SCN9A: variants seen among roughly 807,000 people sequenced by gnomAD.
The protein encoded by SCN9A is sodium channel protein type 9 subunit alpha.
In SCN9A, 131 loss-of-function variants were observed where a neutral mutation model predicts 187.0. The ratio of observed to expected loss-of-function variants is 0.70; its 90% CI spans 0.61 to 0.81. The LOEUF is 0.81. SCN9A is among the 30% of genes least tolerant of loss of function. The probability of loss-of-function intolerance (pLI) is 0.00; values close to 1 mark genes in which losing one functional copy is unlikely to be tolerated. For missense variants in SCN9A, 2,252 were observed against 2,396.6 expected, an observed-to-expected ratio of 0.94 and a Z score of 1.26; for synonymous variants, 809 against 808.6, an observed-to-expected ratio of 1.00 and a Z score of -0.01.
intron 1 of SCN9A, among the ~76,000 whole-genome samples, chr2:166,329,085 G>C (rs892969705): frequency 2.2e-4 from 33 of 152,048 alleles, no homozygotes; most frequent in African/African-American, 6.5e-4. Flanking sequence ...ATTAGAAAGC[G>C]ATCTTAAGTG....
chr2:166,375,418 C>A (rs927000763), intron 1 of SCN9A, among the ~76,000 whole-genome samples: 2 of 152,178 alleles, frequency 1.3e-5, no homozygotes. Flanking sequence ...CCTTCCTTTC[C>A]ACAGTTTCAG....
At position 166,198,591 on chromosome 2, in the gene SCN9A, G is replaced by T; in HGVS notation, c.*81C>A. On this transcript the variant is annotated 3_prime_UTR_variant, in exon 27 of 27. Coordinates refer to ENST00000642356, the MANE Select transcript of SCN9A (RefSeq NM_001365536.1). ...GAATATTTTGATAAAAAGGATTTTG[G>T]CATAGACTTCCTCAAAAGAGTTTTA... 1.9e-6 allele frequency: 2 copies of T among 1,060,074 alleles called. No individual in the cohort carries two copies. The highest frequency in any genetic ancestry group is 2.7e-6 in the Non-Finnish European group (2 of 748,074). 65.7% of individuals were successfully genotyped at this position (1,060,074 alleles called of 1,614,324 possible).
intron 16 of SCN9A, among the ~76,000 whole-genome samples, chr2:166,273,244 A>G (rs1185812526): frequency 2.0e-5 from 3 of 152,144 alleles, no homozygotes; most frequent in African/African-American, 7.2e-5. Flanking sequence ...CTCTCCTAGC[A>G]TTCATCTATC....
rs1478280479 is a variant in SCN9A, at chr2:166,255,108, A to AAGAGAGAGAGGAG, written c.3352-3236_3352-3224dup. Among the ~76,000 whole-genome samples, 6 of 140,706 alleles carry AAGAGAGAGAGGAG rather than the reference A, an allele frequency of 4.3e-5. No homozygotes were observed. The East Asian group carries it at 1.3e-3, about 31-fold the overall frequency. 92.3% of individuals were successfully genotyped at this position (140,706 alleles called of 152,430 possible). A position where few individuals can be genotyped will look rare whatever the true frequency, so the allele number is the denominator to read the frequency against. On this transcript the variant is annotated intron_variant, in intron 17 of 26. Coordinates refer to ENST00000642356, the MANE Select transcript of SCN9A (RefSeq NM_001365536.1). Reference sequence around the variant, plus strand: ...CCTTGAGGTAATCGAGAGAGAGAAAAAGAGAGAGAGGAGAGAGAGAGAGAG... The same window carrying AAGAGAGAGAGGAG: ...CCTTGAGGTAATCGAGAGAGAGAAAAAGAGAGAGAGGAGAGAGAGAGAGGAGAGAGAGAGAGAG...
At chr2:166,288,278 T>C (rs917660601) in intron 10 of SCN9A, among the ~76,000 whole-genome samples, 159 bp downstream of exon 10, 1 of 151,834 alleles carries the variant, frequency 6.6e-6, no homozygotes, top group South Asian at 2.1e-4. Context: ...CAGCCCAGAA[T>C]TGGTTCCTTT....
At chr2:166,337,936 G>A (rs1184304488) in intron 1 of SCN9A, among the ~76,000 whole-genome samples, 1 of 151,892 alleles carries the variant, frequency 6.6e-6, no homozygotes, top group Non-Finnish European at 1.5e-5. Context: ...TATTAGGCAG[G>A]GGGAGTTAAA....
chr2:166,284,725 T>C lies in SCN9A; in HGVS notation c.1702A>G (p.Thr568Ala), dbSNP rs1447811573. The C allele has an allele frequency of 1.2e-6, 2 of 1,613,974 alleles. No homozygotes were observed. The highest frequency in any genetic ancestry group is 1.7e-5 in the Admixed American group (1 of 60,010). The change falls in exon 12 of 27, where the codon ACT (threonine) becomes GCT (alanine). Residue 568 changes from threonine (T) to alanine (A), a missense_variant. By Grantham distance (58) the Thr-to-Ala change is moderately conservative. Coordinates refer to ENST00000642356, the MANE Select transcript of SCN9A (RefSeq NM_001365536.1). ...CTGTGCTCATCATCGGCAAATTCAG[T>C]CTCAGATCCTATATCTCTTCCTCTG... ...KGRGRDIGSE[T>A]EFADDEHSIF...
At position 166,303,240 on chromosome 2, in the gene SCN9A, G is replaced by C. The variant is rs1053867354; in HGVS notation, c.751C>G (p.Leu251Val). 6.2e-7 allele frequency: 1 copy of C among 1,613,562 alleles called. No individual in the cohort carries two copies. The highest frequency in any genetic ancestry group is 1.3e-5 in the African/African-American group (1 of 74,878). ...SVKKLSDVMI[L>V]TVFCLSVFAL... ...AACACACTCAGACAGAACACAGTCA[G>C]GATCATGACATCAGAAAGCTTCTTC... The change falls in exon 7 of 27, where the codon CTG becomes GTG. Residue 251 changes from leucine to valine, a missense_variant. Physicochemically the swap from Leu to Val is conservative, Grantham distance 32. This residue lies in a region of SCN9A where 1,013 missense variants were observed against 997.4 expected (regional missense o/e 1.02). Coordinates refer to ENST00000642356, the MANE Select transcript of SCN9A (RefSeq NM_001365536.1).
chr2:166,298,752 A>G (rs568751165), intron 7 of SCN9A: 12 of 152,208 alleles, frequency 7.9e-5, no homozygotes, highest in Non-Finnish European at 1.5e-4. Context: ...GTCTACACAT[A>G]ATCTGGCATC....
At chr2:166,257,417 A>G (rs1365284633) in intron 17 of SCN9A, among the ~76,000 whole-genome samples, 1 of 151,654 alleles carries the variant, frequency 6.6e-6, no homozygotes, top group Non-Finnish European at 1.5e-5. Flanking sequence ...ACTACCCACA[A>G]TGAAGGAGGG....
At chr2:166,297,406 A>G (rs1203365031) in intron 7 of SCN9A, among the ~76,000 whole-genome samples, 2 of 152,144 alleles carry the variant, frequency 1.3e-5, no homozygotes, top group African/African-American at 4.8e-5. Context: ...TAGCATATAC[A>G]TACAATGAAA....
Position 166,198,406 on chromosome 2 carries a change from A to G in SCN9A, c.*266T>C. Reference sequence around the variant, plus strand: ...AGTTTTCTACATGGTCTTCTGATTTATTAAAAACCAAAAAACTGAATCACT... The same window carrying G: ...AGTTTTCTACATGGTCTTCTGATTTGTTAAAAACCAAAAAACTGAATCACT... On this transcript the variant is annotated 3_prime_UTR_variant, in exon 27 of 27. Coordinates refer to ENST00000642356, the MANE Select transcript of SCN9A (RefSeq NM_001365536.1). 3.3e-6 allele frequency: 1 copy of G among 299,440 alleles called. No homozygotes were observed. The highest frequency in any genetic ancestry group is 5.8e-6 in the Non-Finnish European group (1 of 171,692). The allele number at this position is 299,440 out of a possible 1,614,324, so 18.5% of individuals were successfully genotyped here. A position where few individuals can be genotyped will look rare whatever the true frequency, so the allele number is the denominator to read the frequency against.
chr2:166,212,929 C>A (rs1335877390), intron 24 of SCN9A, among the ~76,000 whole-genome samples: 2 of 152,136 alleles, frequency 1.3e-5, no homozygotes, highest in East Asian at 3.9e-4. Flanking sequence ...TTAAAAGTAT[C>A]TTGAAACAAA....
At position 166,303,269 on chromosome 2, in the gene SCN9A, G is replaced by C; in HGVS notation, c.722C>G (p.Ser241Ter). The C allele has an allele frequency of 6.2e-7, 1 of 1,613,474 alleles. No individual in the cohort carries two copies. Among genetic ancestry groups the C allele is most frequent in the Non-Finnish European group, 8.5e-7 (1 of 1,179,666 alleles). Reference sequence around the variant, plus strand: ...CATGACATCAGAAAGCTTCTTCACTGACTGGATCAAAGCCCCTACAATTGT... The same window carrying C: ...CATGACATCAGAAAGCTTCTTCACTCACTGGATCAAAGCCCCTACAATTGT... ...LKTIVGALIQ[S>*]VKKLSDVMIL... The change falls in exon 7 of 27, where the codon TCA becomes TGA. Residue 241 changes from serine to a stop codon, truncating the protein, a stop_gained. Coordinates refer to ENST00000642356, the MANE Select transcript of SCN9A (RefSeq NM_001365536.1). LOFTEE classifies it high-confidence loss of function.
At chr2:166,363,807 C>A (rs554341821) in intron 1 of SCN9A, among the ~76,000 whole-genome samples, 4 of 151,918 alleles carry the variant, frequency 2.6e-5, no homozygotes, top group Admixed American at 2.0e-4. Flanking sequence ...GACATGGAAC[C>A]AAAAGCACGG....
At chr2:166,207,458 T>TTGTTGTTGTTG (rs1693866108) in intron 24 of SCN9A, among the ~76,000 whole-genome samples, 1 of 83,486 alleles carries the variant, frequency 1.2e-5, no homozygotes, top group African/African-American at 4.6e-5. Flanking sequence ...TGTTGTTGTT[T>TTGTTGTTGTTG]TTGATGGAGT....
intron 9 of SCN9A, among the ~76,000 whole-genome samples, chr2:166,289,313 T>C (rs1559015882): frequency 1.3e-5 from 2 of 151,890 alleles, no homozygotes; most frequent in African/African-American, 4.8e-5. Flanking sequence ...ATTAGGTATG[T>C]CTCCTAATGC....
intron 12 of SCN9A, among the ~76,000 whole-genome samples, chr2:166,283,569 AC>A (rs1290129387): frequency 6.6e-6 from 1 of 152,164 alleles, no homozygotes; most frequent in Non-Finnish European, 1.5e-5. Flanking sequence ...CTAATCAGAC[AC>A]CTTTCTCTAA....
Position 166,288,307 on chromosome 2 carries a change from G to A in SCN9A, c.1314+130C>T, listed in dbSNP as rs1697880170. 10 of 640,914 alleles carry A rather than the reference G, an allele frequency of 1.6e-5. No homozygotes were observed. In the South Asian group the frequency reaches 2.6e-4, roughly 17 times the overall value. 39.7% of individuals were successfully genotyped at this position (640,914 alleles called of 1,614,324 possible). On this transcript the variant is annotated intron_variant, in intron 10 of 26. Transcript: ENST00000642356. ...TTCCTTTTTCCACACCAGAAATGAG[G>A]ATACAGTTTATACACAAAAATTCAT... is the stretch of plus-strand genomic sequence containing the variant.
Sources: allele counts gnomAD v4.1 joint callset (sites outside exome capture counted in the v4.1 genomes callset), GRCh38; gene constraint gnomAD v4.1.1; regional missense constraint gnomAD v4.1.1; transcripts MANE v1.5; gene names NCBI Gene and HGNC (gene_info 2026-07-23, HGNC 2026-07-21).